AHRR: variants seen among roughly 807,000 people sequenced by gnomAD.
AHRR encodes ahR repressor.
A neutral mutation model predicts 44.0 loss-of-function variants in AHRR; 28 were observed. That is an observed-to-expected ratio of 0.64 (90% CI 0.47 to 0.87). The LOEUF is 0.87. Among genes scored for constraint, AHRR ranks in the 40% least tolerant of loss-of-function variants. AHRR has a pLI of 0.00. For missense variants in AHRR, 990 were observed against 953.9 expected, an observed-to-expected ratio of 1.04 and a Z score of -0.50; for synonymous variants, 434 against 407.0, an observed-to-expected ratio of 1.07 and a Z score of -0.80.
chr5:413,463 T>C, intron 5 of AHRR, 30 bp downstream of exon 5: 1 of 1,473,708 alleles, frequency 6.8e-7, no homozygotes, highest in African/African-American at 1.4e-5. Context: ...CCCTCCAGTC[T>C]GTTAAGTGCT....
At chr5:397,245 C>T (rs1734761011) in intron 4 of AHRR, among the ~76,000 whole-genome samples, 1 of 109,910 alleles carries the variant, frequency 9.1e-6, no homozygotes, top group Non-Finnish European at 1.9e-5. Context: ...ATCCACGTAG[C>T]CCCTGACCAT....
At position 431,218 on chromosome 5, in the gene AHRR, C is replaced by G. The variant is rs562322349; in HGVS notation, c.909-1245C>G. On this transcript the variant is annotated intron_variant, in intron 8 of 10. Coordinates refer to ENST00000684583, the MANE Select transcript of AHRR (RefSeq NM_001377236.1). ...GGGGTGGAGCGTAGGTGTGGGATCA[C>G]AAGCTCAGGTGTGGGGCCGAAGGTC... is the stretch of plus-strand genomic sequence containing the variant. Among the ~76,000 whole-genome samples, 3 of 152,184 alleles carry G rather than the reference C, an allele frequency of 2.0e-5. No individual in the cohort carries two copies. The East Asian group carries it at 5.8e-4, about 29-fold the overall frequency.
intron 1 of AHRR, among the ~76,000 whole-genome samples, chr5:325,091 C>T (rs1741658146): frequency 6.6e-6 from 1 of 152,212 alleles, no homozygotes; most frequent in Non-Finnish European, 1.5e-5. Flanking sequence ...ATTCCGGCTA[C>T]TCGGAAGGGA....
intron 1 of AHRR, among the ~76,000 whole-genome samples, chr5:336,950 C>T (rs1161428274): frequency 2.0e-5 from 3 of 152,088 alleles, no homozygotes; most frequent in Non-Finnish European, 4.4e-5. Flanking sequence ...GTTATCTCAA[C>T]ACCATTTGTT....
chr5:379,825 A>G (rs1328082993), intron 4 of AHRR, among the ~76,000 whole-genome samples: 1 of 151,888 alleles, frequency 6.6e-6, no homozygotes, highest in Non-Finnish European at 1.5e-5. Context: ...ACAGATAGTG[A>G]AAGTATTCCA....
chr5:371,564 C>G (rs1743581655), intron 3 of AHRR, among the ~76,000 whole-genome samples: 1 of 152,190 alleles, frequency 6.6e-6, no homozygotes, highest in African/African-American at 2.4e-5. Flanking sequence ...CGGGTAAGCC[C>G]CTGTGTGTCC....
rs761157117 is a variant in AHRR at position 343,976 on chromosome 5, C to T, written c.62+12C>T. On this transcript the variant is annotated intron_variant, in intron 2 of 10. Transcript: ENST00000684583. ...CCCCTGCAGAAACAGTAAAGTATCC[C>T]GCCTTCTGCTTGTGTGGGTTGTTGC... The T allele has an allele frequency of 8.2e-6, 13 of 1,594,174 alleles. No homozygotes were observed. The highest frequency in any genetic ancestry group is 1.4e-5 in the African/African-American group (1 of 71,896).
intron 3 of AHRR, among the ~76,000 whole-genome samples, chr5:372,560 C>T (rs1375185792): frequency 1.3e-5 from 2 of 152,126 alleles, no homozygotes; most frequent in African/African-American, 4.8e-5. Flanking sequence ...CCTTACTCAG[C>T]CCTGCACAGA....
In AHRR at chr5:344,902, G is replaced by A. The variant is rs564202863; in HGVS notation, c.62+938G>A. On this transcript the variant is annotated intron_variant, in intron 2 of 10. Transcript: ENST00000684583. ...GGTGTGCGAAGCTGTGTGAGACTGC[G>A]TGTGCAGGTGTGTGTGGAGGGCTGT... is the stretch of plus-strand genomic sequence containing the variant. 4.6e-4 allele frequency among the ~76,000 whole-genome samples: 60 copies of A among 131,808 alleles called. 1 individual carries two copies. The highest frequency in any genetic ancestry group is 7.1e-4 in the Non-Finnish European group (45 of 63,440). 86.5% of individuals were successfully genotyped at this position (131,808 alleles called of 152,430 possible).
Position 432,510 on chromosome 5 carries a change from C to A in AHRR, c.956C>A (p.Pro319His), listed in dbSNP as rs774271623. 6.2e-7 allele frequency: 1 copy of A among 1,614,028 alleles called. No homozygotes were observed. The highest frequency in any genetic ancestry group is 2.2e-5 in the East Asian group (1 of 44,900). Residue 319 changes from proline to histidine, a missense_variant, in exon 9 of 11, where the codon CCC becomes CAC. Coordinates refer to ENST00000684583, the MANE Select transcript of AHRR (RefSeq NM_001377236.1). ...SLCESELHGK[P>H]NYSAGRSSRE... ...TGCGAATCGGAACTGCATGGAAAAC[C>A]CAATTACTCAGCAGGTACTTAGAAC...
intron 2 of AHRR, among the ~76,000 whole-genome samples, chr5:351,610 C>T (rs1336119715): frequency 9.9e-5 from 15 of 152,166 alleles, no homozygotes; most frequent in Non-Finnish European, 7.3e-5. Flanking sequence ...TCTAGAGAGA[C>T]GGCTGATGGG....
chr5:422,633 C>T (rs759613822), intron 5 of AHRR, 96 bp from the exon 6 acceptor site: 38 of 1,542,612 alleles, frequency 2.5e-5, no homozygotes, highest in Non-Finnish European at 3.3e-5. Context: ...CTTGCTTTGA[C>T]AAGTGGAGTG....
At chr5:427,215 T>C (rs1736455690) in intron 7 of AHRR, among the ~76,000 whole-genome samples, 1 of 152,264 alleles carries the variant, frequency 6.6e-6, no homozygotes, top group Non-Finnish European at 1.5e-5. Flanking sequence ...GGTAAACAAC[T>C]AAATTATACA....
At chr5:429,473 C>G (rs553456920) in intron 8 of AHRR, among the ~76,000 whole-genome samples, 115 of 147,794 alleles carry the variant, frequency 7.8e-4, no homozygotes, top group African/African-American at 2.8e-3. Context: ...GAGGGGTGGT[C>G]TGGGCCGGCC....
At chr5:327,713 T>C (rs575435200) in intron 1 of AHRR, among the ~76,000 whole-genome samples, 1 of 152,334 alleles carries the variant, frequency 6.6e-6, no homozygotes, top group Admixed American at 6.5e-5. Flanking sequence ...GATATATTGA[T>C]TTCTTTTCCA....
chr5:381,416 T>A (rs1170157807), intron 4 of AHRR, among the ~76,000 whole-genome samples: 1 of 151,824 alleles, frequency 6.6e-6, no homozygotes, highest in Non-Finnish European at 1.5e-5. Context: ...CAGTATAGAT[T>A]AGGAGTGGTC....
At chr5:365,393 A>G (rs1743321475) in intron 3 of AHRR, among the ~76,000 whole-genome samples, 1 of 152,238 alleles carries the variant, frequency 6.6e-6, no homozygotes, top group Non-Finnish European at 1.5e-5. Context: ...ACACACTTGT[A>G]TATAACGCAT....
chr5:403,551 G>GA (rs1735117688), intron 4 of AHRR, among the ~76,000 whole-genome samples: 1 of 151,284 alleles, frequency 6.6e-6, no homozygotes, highest in Admixed American at 6.6e-5. Flanking sequence ...CAGGAGAACT[G>GA]CTTGAACCTG....
In AHRR at chr5:437,180, C is replaced by G. The variant is rs1049102922; in HGVS notation, c.*2346C>G. On this transcript the variant is annotated 3_prime_UTR_variant, in exon 11 of 11. Transcript: ENST00000684583. ...CCTGGGCAACACAGGAAGAATGTGT[C>G]TCTACAAAAAATAATTAAAAATCAG... 6.6e-6 allele frequency: 1 copy of G among 152,206 alleles called. No homozygotes were observed. 9.4% of individuals were successfully genotyped at this position (152,206 alleles called of 1,614,324 possible). A position where few individuals can be genotyped will look rare whatever the true frequency, so the allele number is the denominator to read the frequency against.
Sources: allele counts gnomAD v4.1 joint callset (sites outside exome capture counted in the v4.1 genomes callset), GRCh38; gene constraint gnomAD v4.1.1; transcripts MANE v1.5; gene names NCBI Gene and HGNC (gene_info 2026-07-23, HGNC 2026-07-21).